CLASP1: variants seen among roughly 807,000 people sequenced by gnomAD.
CLASP1 encodes CLIP-associating protein 1.
A neutral mutation model predicts 192.3 loss-of-function variants in CLASP1; 38 were observed. The observed-to-expected ratio is 0.20, with a 90% CI of 0.15 to 0.26. CLASP1 has a LOEUF of 0.26. Ranked by LOEUF, CLASP1 falls within the 10% of genes least tolerant of loss-of-function variation. The probability of loss-of-function intolerance (pLI) is 1.00; values close to 1 mark genes in which losing one functional copy is unlikely to be tolerated. For missense variants in CLASP1, 1,433 were observed against 1,932.5 expected, an observed-to-expected ratio of 0.74 and a Z score of 4.85; for synonymous variants, 691 against 712.8, an observed-to-expected ratio of 0.97 and a Z score of 0.49.
At chr2:121,381,034 AAAG>A (rs2071515955) in intron 33 of CLASP1, among the ~76,000 whole-genome samples, 1 of 152,096 alleles carries the variant, frequency 6.6e-6, no homozygotes, top group African/African-American at 2.4e-5. Context: ...AAAAAAAGAA[AAAG>A]GAGTGACCTG....
At chr2:121,632,706 G>C (rs962878751) in intron 1 of CLASP1, among the ~76,000 whole-genome samples, 3 of 152,086 alleles carry the variant, frequency 2.0e-5, no homozygotes, top group African/African-American at 2.4e-5. Flanking sequence ...AGACTAGCCT[G>C]ACCAGCATGC....
chr2:121,444,771 T>C (rs1397655381), intron 19 of CLASP1, among the ~76,000 whole-genome samples: 2 of 151,986 alleles, frequency 1.3e-5, no homozygotes, highest in African/African-American at 4.8e-5. Context: ...CAGGTAGAGG[T>C]AGGGCAAAAA....
Position 121,367,787 on chromosome 2 carries a change from C to CCA in CLASP1, c.3686_3687insTG (p.Ser1232ValfsTer4). The CCA allele has an allele frequency of 6.2e-7, 1 of 1,613,862 alleles. No homozygotes were observed. The highest frequency in any genetic ancestry group is 8.5e-7 in the Non-Finnish European group (1 of 1,179,904). On this transcript the variant is annotated frameshift_variant, in exon 35 of 40. Coordinates refer to ENST00000263710, the Ensembl canonical transcript of CLASP1. LOFTEE classifies it high-confidence loss of function. ...GGCCTCCTTCTACTTCACTACCCCCCCGGCCCTCAGTGGCAGGGGAGGCAG... is the reference window on the plus strand; with the variant it reads ...GGCCTCCTTCTACTTCACTACCCCCCCACGGCCCTCAGTGGCAGGGGAGGCAG...
intron 3 of CLASP1, among the ~76,000 whole-genome samples, chr2:121,529,318 A>AT (rs2094682911): frequency 6.6e-6 from 1 of 152,238 alleles, no homozygotes; most frequent in South Asian, 2.1e-4. Context: ...TGTAGACCAG[A>AT]GATCAGCTTA....
rs1474491611 is a variant in CLASP1 at position 121,549,738 on chromosome 2, GCTCA to G, written c.196-19417_196-19414del. Reference sequence around the variant, plus strand: ...AAAAAAAAAAAGGCCTGGCGTGGTGGCTCACGCCTGTAATCCCAGCACTGTGGGA... The same window carrying G: ...AAAAAAAAAAAGGCCTGGCGTGGTGGCGCCTGTAATCCCAGCACTGTGGGA... On this transcript the variant is annotated intron_variant, in intron 2 of 39. Coordinates refer to ENST00000263710, the Ensembl canonical transcript of CLASP1. Among the ~76,000 whole-genome samples the G allele has an allele frequency of 1.0e-4, 15 of 149,592 alleles. No homozygotes were observed. In the South Asian group the frequency reaches 3.2e-3, roughly 32 times the overall value.
chr2:121,521,343 T>C (rs1005393167), intron 6 of CLASP1, among the ~76,000 whole-genome samples: 1 of 152,038 alleles, frequency 6.6e-6, no homozygotes, highest in African/African-American at 2.4e-5. Context: ...CCTTTCGATA[T>C]GAAAGTTGAA....
chr2:121,402,487 G>A (rs1439428051), intron 26 of CLASP1: 1 of 463,830 alleles, frequency 2.2e-6, no homozygotes, highest in African/African-American at 2.0e-5. Context: ...TTCACCACCA[G>A]GGGTCTCCTG....
chr2:121,524,354 C>CT (rs2094524886), intron 6 of CLASP1, among the ~76,000 whole-genome samples: 1 of 151,840 alleles, frequency 6.6e-6, no homozygotes, highest in Admixed American at 6.6e-5. Context: ...AACTTAGAAT[C>CT]TTTTTAAAAA....
chr2:121,387,299 CT>C lies in CLASP1; in HGVS notation c.3268-72del, dbSNP rs959905717. The C allele has an allele frequency of 3.4e-4, 359 of 1,070,880 alleles. 1 individual carries two copies. Among genetic ancestry groups the C allele is most frequent in the East Asian group, 1.9e-3 (68 of 35,894 alleles). 66.3% of individuals were successfully genotyped at this position (1,070,880 alleles called of 1,614,324 possible). A position where few individuals can be genotyped will look rare whatever the true frequency, so the allele number is the denominator to read the frequency against. On this transcript the variant is annotated intron_variant, in intron 31 of 39. Transcript: ENST00000263710. ...GAATATATTCTATTCTTTCCTTGGTCTTTTAACCCACATGTAAATAAATGGG... is the reference window on the plus strand; with the variant it reads ...GAATATATTCTATTCTTTCCTTGGTCTTTAACCCACATGTAAATAAATGGG...
chr2:121,568,379 C>G (rs2059693711), intron 2 of CLASP1, among the ~76,000 whole-genome samples: 1 of 151,930 alleles, frequency 6.6e-6, no homozygotes. Flanking sequence ...CTGGGGCAGT[C>G]TAATCAGATA....
intron 1 of CLASP1, among the ~76,000 whole-genome samples, chr2:121,645,485 T>G (rs552973647): frequency 1.3e-5 from 2 of 152,178 alleles, no homozygotes; most frequent in Non-Finnish European, 2.9e-5. Flanking sequence ...TCAAATTATA[T>G]TAGTCTACAT....
chr2:121,586,419 A>G (rs1213876245), intron 2 of CLASP1, among the ~76,000 whole-genome samples: 1 of 152,146 alleles, frequency 6.6e-6, no homozygotes, highest in African/African-American at 2.4e-5. Flanking sequence ...GAGACACTGC[A>G]CCTAGCCCCT....
rs895339213 is a variant in CLASP1 at position 121,617,446 on chromosome 2, G to A, written c.-285-11266C>T. Among the ~76,000 whole-genome samples, 5 of 152,084 alleles carry A rather than the reference G, an allele frequency of 3.3e-5. No homozygotes were observed. The East Asian group carries it at 5.8e-4, about 18-fold the overall frequency. On this transcript the variant is annotated intron_variant, in intron 1 of 39. Coordinates refer to ENST00000263710, the Ensembl canonical transcript of CLASP1. Reference sequence around the variant, plus strand: ...ATCAACAGTGAAGCTTCTTTAAGCCGTTGTCTACACCAGCCAGCTCCACTG... The same window carrying A: ...ATCAACAGTGAAGCTTCTTTAAGCCATTGTCTACACCAGCCAGCTCCACTG...
chr2:121,559,774 G>A (rs958210483), intron 2 of CLASP1, among the ~76,000 whole-genome samples: 1 of 152,154 alleles, frequency 6.6e-6, no homozygotes, highest in African/African-American at 2.4e-5. Flanking sequence ...CAGTGGTGAT[G>A]AGCATACAAC....
chr2:121,610,532 A>T (rs570099948), intron 1 of CLASP1, among the ~76,000 whole-genome samples: 1 of 150,208 alleles, frequency 6.7e-6, no homozygotes, highest in Non-Finnish European at 1.5e-5. Flanking sequence ...GAGGAGTTAC[A>T]GGAGGAAGAG....
intron 5 of CLASP1, among the ~76,000 whole-genome samples, chr2:121,527,386 T>C (rs2094599546): frequency 6.6e-6 from 1 of 152,212 alleles, no homozygotes; most frequent in African/African-American, 2.4e-5. Context: ...AAAGGTTACA[T>C]ATTGTATAAT....
chr2:121,430,287 G>C (rs1574718320), intron 19 of CLASP1, 110 bp from the exon 20 acceptor site: 1 of 729,316 alleles, frequency 1.4e-6, no homozygotes, highest in Non-Finnish European at 2.3e-6. Context: ...AACTACATGG[G>C]GAGCAACAGC....
chr2:121,387,486 T>C (rs990170694), intron 31 of CLASP1, among the ~76,000 whole-genome samples: 1 of 152,168 alleles, frequency 6.6e-6, no homozygotes, highest in Non-Finnish European at 1.5e-5. Context: ...CACTTGCATC[T>C]TTCCAGTGTT....
chr2:121,387,948 G>C (rs1198263578), intron 30 of CLASP1, 42 bp from the exon 32 acceptor site: 1 of 1,455,734 alleles, frequency 6.9e-7, no homozygotes, highest in African/African-American at 1.4e-5. Context: ...ATGTACAATA[G>C]GTCATCAAAA....
Sources: allele counts gnomAD v4.1 joint callset (sites outside exome capture counted in the v4.1 genomes callset), GRCh38; gene constraint gnomAD v4.1.1; transcripts MANE v1.5; gene names NCBI Gene and HGNC (gene_info 2026-07-23, HGNC 2026-07-21).